RASAL2: variants seen among roughly 807,000 people sequenced by gnomAD.
RASAL2 encodes ras GTPase-activating protein nGAP.
Under a neutral mutation model 128.9 loss-of-function variants are expected in RASAL2, and 58 were observed. That is an observed-to-expected ratio of 0.45 (90% CI 0.36 to 0.56). RASAL2 has a LOEUF of 0.56. RASAL2 is among the 20% of genes least tolerant of loss of function. RASAL2 has a pLI of 0.00. For synonymous variants in RASAL2, 561 were observed against 580.8 expected (o/e 0.97, Z 0.49); for missense variants, 1,360 against 1,601.6 (o/e 0.85, Z 2.57).
Position 178,451,720 on chromosome 1 carries a change from G to A in RASAL2, c.1772+5G>A, listed in dbSNP as rs1371713881. 25 of 1,611,976 alleles carry A rather than the reference G, an allele frequency of 1.6e-5. No homozygotes were observed. Among genetic ancestry groups the A allele is most frequent in the Non-Finnish European group, 2.0e-5 (24 of 1,179,152 alleles). On this transcript the variant is annotated splice_donor_5th_base_variant and intron_variant, in intron 10 of 17. Coordinates refer to ENST00000367649, the MANE Select transcript of RASAL2 (RefSeq NM_170692.4). Reference sequence around the variant, plus strand: ...CAAGATCATCAACTCTTACTGGTGAGCTTATCTTATCCTCTGCCTTACATT... The same window carrying A: ...CAAGATCATCAACTCTTACTGGTGAACTTATCTTATCCTCTGCCTTACATT...
In RASAL2 at chr1:178,235,723, TCTC is replaced by T. The variant is rs528189131; in HGVS notation, c.203-47838_203-47836del. Among the ~76,000 whole-genome samples, 45 of 152,176 alleles carry T rather than the reference TCTC, an allele frequency of 3.0e-4. No individual in the cohort carries two copies. In the East Asian group the frequency reaches 8.5e-3, roughly 29 times the overall value. ...ACCGGATCAAGTGCCTGTGCAGAGG[TCTC>T]CTTTTCTCTTTTGGCAGTAACTTCT... is the stretch of plus-strand genomic sequence containing the variant. On this transcript the variant is annotated intron_variant, in intron 1 of 17. Transcript: ENST00000367649.
intron 1 of RASAL2, among the ~76,000 whole-genome samples, chr1:178,132,867 C>A (rs1180138198): frequency 6.7e-6 from 1 of 149,930 alleles, no homozygotes; most frequent in East Asian, 2.0e-4. Context: ...CTCCCGGGTT[C>A]AAGCGATTCT....
chr1:178,237,494 T>G (rs377115387), intron 1 of RASAL2, among the ~76,000 whole-genome samples: 6 of 152,168 alleles, frequency 3.9e-5, no homozygotes, highest in East Asian at 3.9e-4. Flanking sequence ...TCAACACATC[T>G]GGACATCTTA....
chr1:178,255,276 G>GAAAAAAAAAAAAA (rs2102103677), intron 1 of RASAL2, among the ~76,000 whole-genome samples: 1 of 152,004 alleles, frequency 6.6e-6, no homozygotes, highest in South Asian at 2.1e-4. Context: ...AAGAGCTCCA[G>GAAAAAAAAAAAAA]TAAAGCTAAT....
At chr1:178,455,775 A>G (rs535977195) in intron 12 of RASAL2, among the ~76,000 whole-genome samples, 1 of 152,316 alleles carries the variant, frequency 6.6e-6, no homozygotes, top group South Asian at 2.1e-4. Context: ...GAAGGCAAAG[A>G]CCCAAAGGCA....
At chr1:178,125,226 C>T (rs953906038) in intron 1 of RASAL2, 1 of 152,038 alleles carries the variant, frequency 6.6e-6, no homozygotes, top group African/African-American at 2.4e-5. Flanking sequence ...ATCATTTTTG[C>T]TTTATATTTT....
At chr1:178,351,330 T>G (rs928916749) in intron 3 of RASAL2, among the ~76,000 whole-genome samples, 1 of 152,182 alleles carries the variant, frequency 6.6e-6, no homozygotes, top group Non-Finnish European at 1.5e-5. Context: ...GTCCTTGAAG[T>G]CTTGACTCAT....
chr1:178,178,585 A>T (rs532603722), intron 1 of RASAL2, among the ~76,000 whole-genome samples: 45 of 152,328 alleles, frequency 3.0e-4, no homozygotes, highest in Non-Finnish European at 5.4e-4. Context: ...ACTAAATTAT[A>T]TACTAAGTTA....
chr1:178,109,646 T>A (rs1659223759), intron 1 of RASAL2, among the ~76,000 whole-genome samples: 1 of 152,184 alleles, frequency 6.6e-6, no homozygotes, highest in Admixed American at 6.6e-5. Flanking sequence ...TTCTTAAAAA[T>A]CTGTGATTCT....
At chr1:178,139,407 T>G in intron 1 of RASAL2, among the ~76,000 whole-genome samples, 1 of 152,198 alleles carries the variant, frequency 6.6e-6, no homozygotes, top group East Asian at 1.9e-4. Flanking sequence ...AGCTATAAAC[T>G]TTTTACTTAC....
At chr1:178,120,089 T>C (rs1222936657) in intron 1 of RASAL2, among the ~76,000 whole-genome samples, 1 of 152,232 alleles carries the variant, frequency 6.6e-6, no homozygotes, top group Non-Finnish European at 1.5e-5. Flanking sequence ...TTTTTTTCAT[T>C]TAAAGAACTC....
intron 1 of RASAL2, among the ~76,000 whole-genome samples, chr1:178,114,813 C>T (rs1048628031): frequency 9.2e-5 from 14 of 152,318 alleles, no homozygotes; most frequent in South Asian, 2.1e-4. Flanking sequence ...TGAGCCACTG[C>T]GCCCAGCCAT....
intron 1 of RASAL2, among the ~76,000 whole-genome samples, chr1:178,118,054 C>T (rs866434798): frequency 2.4e-4 from 36 of 151,664 alleles, no homozygotes; most frequent in Middle Eastern, 3.4e-3. Flanking sequence ...ATCCCAGCTA[C>T]TTAGGAGGTT....
chr1:178,366,918 T>A lies in RASAL2; in HGVS notation c.458-23182T>A, dbSNP rs535213108. On this transcript the variant is annotated intron_variant, in intron 3 of 17. Transcript: ENST00000367649. ...GAGTATTTGTTAGGGGATTAGGGGC[T>A]GGGGAGTATACAGAGTGACTGCTAA... Among the ~76,000 whole-genome samples, 4 of 152,228 alleles carry A rather than the reference T, an allele frequency of 2.6e-5. No individual in the cohort carries two copies. In the East Asian group the frequency reaches 7.7e-4, roughly 29 times the overall value.
chr1:178,454,469 A>G lies in RASAL2; in HGVS notation c.2032A>G (p.Met678Val), dbSNP rs1677623716. The G allele has an allele frequency of 6.2e-7, 1 of 1,612,410 alleles. No homozygotes were observed. The highest frequency in any genetic ancestry group is 1.7e-5 in the Admixed American group (1 of 59,994). The change falls in exon 12 of 18, where the codon ATG (methionine) becomes GTG (valine). Residue 678 changes from methionine to valine, a missense_variant. Physicochemically the swap from Met to Val is conservative, Grantham distance 21. This residue lies in a region of RASAL2 where 741 missense variants were observed against 868.6 expected (regional missense o/e 0.85). Transcript: ENST00000367649. Reference sequence around the variant, plus strand: ...CAGGTTTGGTAACAAAGAGGAATACATGGCATTCATGAATGATTTTTTAGA... The same window carrying G: ...CAGGTTTGGTAACAAAGAGGAATACGTGGCATTCATGAATGATTTTTTAGA... ...FAKFGNKEEY[M>V]AFMNDFLEHE...
At position 178,272,925 on chromosome 1, in the gene RASAL2, C is replaced by T. The variant is rs748871393; in HGVS notation, c.203-10639C>T. ...GCAGCCTGGGTGACAGAATGAGATT[C>T]CACCTTAAAAAAAAAAAAAATCCAA... On this transcript the variant is annotated intron_variant, in intron 1 of 17. Transcript: ENST00000367649. Among the ~76,000 whole-genome samples, 47 of 151,268 alleles carry T rather than the reference C, an allele frequency of 3.1e-4. 1 individual carries two copies. Among genetic ancestry groups the T allele is most frequent in the Non-Finnish European group, 4.4e-5 (3 of 67,878 alleles).
intron 17 of RASAL2, chr1:178,470,778 T>A: frequency 7.6e-7 from 1 of 1,309,984 alleles, no homozygotes. Context: ...CCTGGCCCAG[T>A]GCACTGGCCT....
chr1:178,131,003 G>A (rs371392887), intron 1 of RASAL2, among the ~76,000 whole-genome samples: 4 of 92,576 alleles, frequency 4.3e-5, no homozygotes, highest in East Asian at 3.3e-4. Flanking sequence ...GCAGTGAGCC[G>A]AGATAGCACC....
chr1:178,102,078 G>A (rs943387406), intron 1 of RASAL2, among the ~76,000 whole-genome samples: 2 of 151,670 alleles, frequency 1.3e-5, no homozygotes, highest in African/African-American at 2.4e-5. Context: ...TTGGTGCTGT[G>A]ATTGGAAGTG....
Sources: allele counts gnomAD v4.1 joint callset (sites outside exome capture counted in the v4.1 genomes callset), GRCh38; gene constraint gnomAD v4.1.1; regional missense constraint gnomAD v4.1.1; transcripts MANE v1.5; gene names NCBI Gene and HGNC (gene_info 2026-07-23, HGNC 2026-07-21).